The following FAM184B variants were observed in gnomAD, a reference collection of about 807,000 sequenced individuals.
The protein encoded by FAM184B is family with sequence similarity 184 member B.
Under a neutral mutation model 135.9 loss-of-function variants are expected in FAM184B, and 111 were observed. The ratio of observed to expected loss-of-function variants is 0.82; its 90% CI spans 0.70 to 0.96. FAM184B has a LOEUF of 0.96. Ranked by LOEUF, FAM184B falls within the 40% of genes least tolerant of loss-of-function variation. The pLI is 0.00. For synonymous variants in FAM184B, 552 were observed against 524.8 expected (o/e 1.05, Z -0.71); for missense variants, 1,375 against 1,323.9 (o/e 1.04, Z -0.60).
intron 5 of FAM184B, among the ~76,000 whole-genome samples, chr4:17,703,605 A>G (rs555321133): frequency 1.3e-5 from 2 of 152,258 alleles, no homozygotes; most frequent in East Asian, 1.9e-4. Flanking sequence ...TAATTTACAT[A>G]ATAAGCCCTT....
intron 1 of FAM184B, among the ~76,000 whole-genome samples, chr4:17,778,819 A>T (rs1718979678): frequency 6.6e-6 from 1 of 152,202 alleles, no homozygotes; most frequent in Non-Finnish European, 1.5e-5. Context: ...TGACTGTGCC[A>T]CTACACTCCA....
intron 14 of FAM184B, among the ~76,000 whole-genome samples, chr4:17,638,189 T>C: frequency 6.7e-6 from 1 of 150,134 alleles, no homozygotes. Flanking sequence ...TTTTTTGTTT[T>C]GTTTTGTTTT....
intron 1 of FAM184B, among the ~76,000 whole-genome samples, chr4:17,740,776 G>A (rs937826383): frequency 3.9e-5 from 6 of 152,196 alleles, no homozygotes; most frequent in African/African-American, 1.4e-4. Flanking sequence ...GCCCCCAAGT[G>A]CTTTGTATCA....
chr4:17,636,094 TTTAA>T (rs549364278), intron 15 of FAM184B, among the ~76,000 whole-genome samples: 31 of 152,166 alleles, frequency 2.0e-4, no homozygotes, highest in Non-Finnish European at 4.0e-4. Context: ...GTATGTCTTC[TTTAA>T]TAATAGAAAA....
chr4:17,658,675 G>A, intron 9 of FAM184B, 113 bp from the exon 10 acceptor site: 1 of 1,033,594 alleles, frequency 9.7e-7, no homozygotes, highest in Non-Finnish European at 1.4e-6. Flanking sequence ...TCCTCTGTCT[G>A]TAGAGACTCT....
chr4:17,633,512 C>A (rs964015398), intron 17 of FAM184B, 177 bp downstream of exon 17: 4 of 542,662 alleles, frequency 7.4e-6, no homozygotes, highest in African/African-American at 3.9e-5. Context: ...CAGATGGAGT[C>A]CACCTTTTGT....
chr4:17,781,050 A>G lies in FAM184B; in HGVS notation c.141+109T>C, dbSNP rs972087735. ...CCCTTCCCGGTTGGCCTCCGAGACA[A>G]AGTTTCTGTCTGGATTTGGCCCGGG... On this transcript the variant is annotated intron_variant, in intron 1 of 17. Coordinates refer to ENST00000265018, the MANE Select transcript of FAM184B (RefSeq NM_015688.2). This position sits in a 1 kb window ranked among gnomAD's most constrained non-coding sequence, Gnocchi z 6.5. The G allele has an allele frequency of 6.6e-6, 9 of 1,355,242 alleles. No individual in the cohort carries two copies. The African/African-American group carries it at 1.2e-4, about 18-fold the overall frequency. 84.0% of individuals were successfully genotyped at this position (1,355,242 alleles called of 1,614,324 possible). A position where few individuals can be genotyped will look rare whatever the true frequency, so the allele number is the denominator to read the frequency against.
chr4:17,669,672 T>C (rs1289514778), intron 7 of FAM184B, among the ~76,000 whole-genome samples: 2 of 152,210 alleles, frequency 1.3e-5, no homozygotes, highest in Non-Finnish European at 2.9e-5. Flanking sequence ...AATGAAGCTA[T>C]AGCCCTCTAA....
intron 9 of FAM184B, among the ~76,000 whole-genome samples, chr4:17,659,476 T>A (rs116641404): frequency 0.014 from 2,131 of 151,104 alleles, 21 homozygotes; most frequent in Non-Finnish European, 0.021. Flanking sequence ...GAGTGCTCAT[T>A]AGCACAACAG....
chr4:17,759,716 G>A (rs1718499973), intron 1 of FAM184B, among the ~76,000 whole-genome samples: 1 of 151,796 alleles, frequency 6.6e-6, no homozygotes, highest in Non-Finnish European at 1.5e-5. Flanking sequence ...GGCTGGTCTC[G>A]AACTCCTCAT....
intron 1 of FAM184B, among the ~76,000 whole-genome samples, chr4:17,775,850 G>T (rs948770834): frequency 6.6e-6 from 1 of 152,162 alleles, no homozygotes; most frequent in African/African-American, 2.4e-5. Flanking sequence ...TCCAAGGGTG[G>T]GAGGCTGCAG....
intron 1 of FAM184B, among the ~76,000 whole-genome samples, chr4:17,760,380 C>T (rs1718518284): frequency 6.6e-6 from 1 of 151,650 alleles, no homozygotes; most frequent in African/African-American, 2.4e-5. Context: ...AGGAGAATTG[C>T]TTGAACTGAG....
intron 1 of FAM184B, among the ~76,000 whole-genome samples, chr4:17,751,164 C>T (rs562795358): frequency 1.3e-4 from 20 of 151,928 alleles, no homozygotes; most frequent in African/African-American, 2.7e-4. Context: ...AAAATTTAGC[C>T]GGGTGTGGTG....
chr4:17,714,727 A>C (rs757230572), intron 1 of FAM184B, among the ~76,000 whole-genome samples: 2 of 152,204 alleles, frequency 1.3e-5, no homozygotes, highest in Non-Finnish European at 2.9e-5. Context: ...TGAAATCTGG[A>C]GGAAATTTAG....
rs1715239248 is a variant in FAM184B at position 17,639,289 on chromosome 4, T to C, written c.2627A>G (p.Gln876Arg). The C allele has an allele frequency of 5.8e-6, 9 of 1,551,746 alleles. No homozygotes were observed. Among genetic ancestry groups the C allele is most frequent in the African/African-American group, 1.4e-5 (1 of 73,186 alleles). ...AGCCAGCCGGGCCTGGAGCTGGGCC[T>C]GGGCACTACTGAAATCTGCCACCAT... is the stretch of plus-strand genomic sequence containing the variant. ...QAMVADFSSA[Q>R]AQLQARLAAL... The change falls in exon 14 of 18, where the codon CAG becomes CGG. Residue 876 changes from glutamine to arginine, a missense_variant. Gln to Arg is a conservative substitution (Grantham distance 43). Coordinates refer to ENST00000265018, the MANE Select transcript of FAM184B (RefSeq NM_015688.2).
intron 14 of FAM184B, among the ~76,000 whole-genome samples, chr4:17,638,973 A>G (rs890906330): frequency 2.0e-5 from 3 of 151,754 alleles, no homozygotes; most frequent in Non-Finnish European, 2.9e-5. Flanking sequence ...AGTAGCTGGG[A>G]TTACAGGCGT....
chr4:17,633,284 A>G (rs538030091), intron 17 of FAM184B: 1 of 157,978 alleles, frequency 6.3e-6, no homozygotes, highest in East Asian at 1.9e-4. Flanking sequence ...TGTTAGTAAT[A>G]ATACTGAAAC....
chr4:17,781,380 G>A lies in FAM184B; in HGVS notation c.-81C>T, dbSNP rs117905829. ...CACGTGCGTGCGCGCGCGGGCGTGC[G>A]AGCGTGTGGGTTTCTCGGGAGAGGT... On this transcript the variant is annotated 5_prime_UTR_variant, in exon 1 of 18. Coordinates refer to ENST00000265018, the MANE Select transcript of FAM184B (RefSeq NM_015688.2). This position sits in a 1 kb window ranked among gnomAD's most constrained non-coding sequence, Gnocchi z 6.5. 4.3e-6 allele frequency: 6 copies of A among 1,394,262 alleles called. No individual in the cohort carries two copies. The highest frequency in any genetic ancestry group is 6.0e-5 in the Admixed American group (2 of 33,240). The allele number at this position is 1,394,262 out of a possible 1,614,324, so 86.4% of individuals were successfully genotyped here.
chr4:17,762,701 C>T (rs973685606), intron 1 of FAM184B, among the ~76,000 whole-genome samples: 1 of 152,206 alleles, frequency 6.6e-6, no homozygotes, highest in Admixed American at 6.5e-5. Context: ...ATTTGGTGAA[C>T]AATAATGCAA....
Sources: gnomAD v4.1 joint callset for allele counts (sites outside exome capture counted in the v4.1 genomes callset) on GRCh38, gnomAD v4.1.1 for gene constraint, Gnocchi (gnomAD v3.1) non-coding constraint, MANE v1.5 for transcripts, NCBI Gene and HGNC (gene_info 2026-07-23, HGNC 2026-07-21) for gene names.